AP2B1: variants seen among roughly 807,000 people sequenced by gnomAD.
AP2B1 encodes the protein AP-2 complex subunit beta.
AP2B1 carries 23 observed loss-of-function variants against 102.0 expected under a neutral mutation model. That is an observed-to-expected ratio of 0.23 (90% CI 0.16 to 0.32). The LOEUF is 0.32. Among genes scored for constraint, AP2B1 ranks in the 10% least tolerant of loss-of-function variants. The pLI is 1.00. For synonymous variants in AP2B1, 381 were observed against 421.2 expected, an observed-to-expected ratio of 0.90 and a Z score of 1.17; for missense variants, 541 against 1,157.4, an observed-to-expected ratio of 0.47 and a Z score of 7.73.
chr17:35,627,311 G>T, intron 7 of AP2B1, 74 bp from the exon 8 acceptor site: 1 of 1,100,948 alleles, frequency 9.1e-7, no homozygotes, highest in Non-Finnish European at 1.3e-6. Context: ...CACAGATTAG[G>T]TATTAATACA....
At chr17:35,723,578 A>T in intron 21 of AP2B1, 47 bp from the exon 22 acceptor site, 1 of 1,335,564 alleles carries the variant, frequency 7.5e-7, no homozygotes, top group Non-Finnish European at 1.1e-6. Context: ...CTTTAGAGCT[A>T]ATGCCAACCT....
intron 17 of AP2B1, among the ~76,000 whole-genome samples, 190 bp downstream of exon 17, chr17:35,674,511 T>A (rs140783134): frequency 4.3e-4 from 66 of 152,184 alleles, no homozygotes; most frequent in African/African-American, 1.5e-3. Context: ...AAAAGACCAG[T>A]CTGGCCAACA....
At chr17:35,657,537 T>C in intron 13 of AP2B1, 62 bp from the exon 14 acceptor site, 3 of 1,375,970 alleles carry the variant, frequency 2.2e-6, no homozygotes, top group Admixed American at 2.0e-5. Context: ...GTTGTTGCGA[T>C]GTTATGTCCT....
chr17:35,639,090 G>C (rs2142718838), intron 10 of AP2B1, among the ~76,000 whole-genome samples: 1 of 152,240 alleles, frequency 6.6e-6, no homozygotes, highest in East Asian at 1.9e-4. Context: ...ATCACTTTGG[G>C]AGACCAAGGT....
At chr17:35,713,387 A>G (rs2076490287) in intron 20 of AP2B1, among the ~76,000 whole-genome samples, 1 of 152,288 alleles carries the variant, frequency 6.6e-6, no homozygotes, top group South Asian at 2.1e-4. Context: ...TTGCAAGACC[A>G]CTTCCTGCAA....
At chr17:35,605,974 G>A in intron 4 of AP2B1, 134 bp downstream of exon 4, 6 of 1,396,720 alleles carry the variant, frequency 4.3e-6, no homozygotes, top group African/African-American at 1.5e-5. Flanking sequence ...ATACCAGTGT[G>A]TGTCATCCAG....
chr17:35,597,153 G>T (rs777672391), intron 2 of AP2B1: 5 of 481,596 alleles, frequency 1.0e-5, no homozygotes, highest in Non-Finnish European at 1.5e-5. Flanking sequence ...TTCTATGCTG[G>T]TAAATGAGAT....
intron 3 of AP2B1, 52 bp from the exon 4 acceptor site, chr17:35,605,653 T>G: frequency 7.4e-7 from 1 of 1,355,026 alleles, no homozygotes; most frequent in Non-Finnish European, 1.0e-6. Context: ...GTCCAACAGC[T>G]TGGCACCAAC....
At chr17:35,722,166 C>T (rs981975259) in intron 21 of AP2B1, among the ~76,000 whole-genome samples, 4 of 152,126 alleles carry the variant, frequency 2.6e-5, no homozygotes, top group African/African-American at 7.2e-5. Flanking sequence ...ATTGCTTGAA[C>T]CTGGGAGGTG....
intron 18 of AP2B1, among the ~76,000 whole-genome samples, chr17:35,684,133 C>T (rs1424085551): frequency 6.6e-6 from 1 of 152,112 alleles, no homozygotes; most frequent in Non-Finnish European, 1.5e-5. Context: ...TTAGGGCCTT[C>T]AAGACCCCCA....
At chr17:35,655,993 G>C (rs1473502652) in intron 13 of AP2B1, among the ~76,000 whole-genome samples, 2 of 152,054 alleles carry the variant, frequency 1.3e-5, no homozygotes, top group African/African-American at 4.8e-5. Context: ...TATATAATTT[G>C]GATGCAAGTC....
chr17:35,664,635 ACATT>A (rs951061154), intron 14 of AP2B1, among the ~76,000 whole-genome samples: 1 of 152,158 alleles, frequency 6.6e-6, no homozygotes, highest in African/African-American at 2.4e-5. Flanking sequence ...TATTTACGAA[ACATT>A]CATTCATTCA....
chr17:35,684,625 A>G (rs2075892948), intron 18 of AP2B1, among the ~76,000 whole-genome samples: 1 of 152,314 alleles, frequency 6.6e-6, no homozygotes, highest in Non-Finnish European at 1.5e-5. Context: ...AGAATAAAGC[A>G]AGGATTACTA....
chr17:35,675,293 A>G (rs544840613), intron 17 of AP2B1, among the ~76,000 whole-genome samples: 4 of 152,354 alleles, frequency 2.6e-5, no homozygotes, highest in Admixed American at 2.0e-4. Context: ...CCCTGCATAT[A>G]AAAAGTAGTA....
chr17:35,669,325 G>A (rs746286413), intron 14 of AP2B1, among the ~76,000 whole-genome samples: 1 of 152,036 alleles, frequency 6.6e-6, no homozygotes, highest in Non-Finnish European at 1.5e-5. Context: ...TGTATTTTTA[G>A]TAGAGACAGG....
intron 12 of AP2B1, among the ~76,000 whole-genome samples, chr17:35,646,256 A>G (rs747730743): frequency 9.2e-5 from 14 of 152,202 alleles, no homozygotes; most frequent in Non-Finnish European, 4.4e-5. Flanking sequence ...TAAGATTACA[A>G]AAAGGTCCTG....
chr17:35,591,257 A>G (rs1221886550), intron 1 of AP2B1, among the ~76,000 whole-genome samples: 2 of 151,666 alleles, frequency 1.3e-5, no homozygotes, highest in Non-Finnish European at 2.9e-5. Flanking sequence ...AGGCTGAGGC[A>G]GGAGGATTGC....
intron 16 of AP2B1, among the ~76,000 whole-genome samples, chr17:35,672,833 G>A (rs1473354384): frequency 6.6e-6 from 1 of 152,124 alleles, no homozygotes; most frequent in Non-Finnish European, 1.5e-5. Context: ...AAAAATGTAA[G>A]AAGGAAAATT....
chr17:35,673,678 G>A (rs1457223383), intron 16 of AP2B1, among the ~76,000 whole-genome samples: 3 of 152,000 alleles, frequency 2.0e-5, no homozygotes, highest in Admixed American at 6.6e-5. Context: ...AGACATAGTC[G>A]ATGCCTTTAA....
Sources: allele counts gnomAD v4.1 joint callset (sites outside exome capture counted in the v4.1 genomes callset), GRCh38; gene constraint gnomAD v4.1.1; transcripts MANE v1.5; gene names NCBI Gene and HGNC (gene_info 2026-07-23, HGNC 2026-07-21).